The following EYA4 variants were observed in gnomAD, a reference collection of about 807,000 sequenced individuals.
EYA4 encodes the protein EYA transcriptional coactivator and phosphatase 4.
Under a neutral mutation model 87.9 loss-of-function variants are expected in EYA4, and 31 were observed. That is an observed-to-expected ratio of 0.35 (90% confidence interval 0.27 to 0.48). The LOEUF is 0.48. Among genes scored for constraint, EYA4 ranks in the 20% least tolerant of loss-of-function variants. The pLI is 0.99. For synonymous variants in EYA4, 263 were observed against 270.6 expected (o/e 0.97, Z 0.28); for missense variants, 678 against 761.4 (o/e 0.89, Z 1.29).
intron 1 of EYA4, among the ~76,000 whole-genome samples, chr6:133,266,118 G>A (rs1776203409): frequency 6.6e-6 from 1 of 152,154 alleles, no homozygotes; most frequent in African/African-American, 2.4e-5. Context: ...CTGTATTTGG[G>A]AATGTGACCT....
rs1049066192 is a variant in EYA4, at chr6:133,430,082, A to G, written c.84-16548A>G. Among the ~76,000 whole-genome samples, 6 of 152,240 alleles carry G rather than the reference A, an allele frequency of 3.9e-5. 1 individual carries two copies. Among genetic ancestry groups the G allele is most frequent in the Admixed American group, 3.3e-4 (5 of 15,292 alleles). The stretch of plus-strand genomic sequence containing the variant: ...CCCATCTTTATGTCCATGAGTACTC[A>G]ATGTTTAGCTCCCACTTGTAAGTGA... On this transcript the variant is annotated intron_variant, in intron 3 of 19. Coordinates refer to ENST00000355286, the MANE Select transcript of EYA4 (RefSeq NM_004100.5).
intron 3 of EYA4, among the ~76,000 whole-genome samples, chr6:133,420,134 CA>C (rs769899041): frequency 2.3e-4 from 34 of 149,588 alleles, no homozygotes; most frequent in African/African-American, 6.9e-4. Flanking sequence ...AGTACAACAC[CA>C]AAAAAAAATC....
intron 2 of EYA4, among the ~76,000 whole-genome samples, chr6:133,284,850 G>A (rs73557747): frequency 0.056 from 8,490 of 152,164 alleles, 800 homozygotes; most frequent in African/African-American, 0.19. Context: ...TATTCTTGTG[G>A]AGGGGGAGAC....
At chr6:133,269,141 C>T (rs1486522162) in intron 1 of EYA4, among the ~76,000 whole-genome samples, 2 of 152,138 alleles carry the variant, frequency 1.3e-5, no homozygotes, top group Non-Finnish European at 2.9e-5. Context: ...CTCCTGTAGT[C>T]CCAGCTACTT....
intron 2 of EYA4, among the ~76,000 whole-genome samples, chr6:133,367,365 C>A (rs944011386): frequency 2.6e-5 from 4 of 152,122 alleles, no homozygotes; most frequent in African/African-American, 9.7e-5. Context: ...AAAGGATGCA[C>A]CCCATGAAAC....
chr6:133,451,645 C>T (rs1051482521), intron 5 of EYA4, among the ~76,000 whole-genome samples: 2 of 152,066 alleles, frequency 1.3e-5, no homozygotes, highest in African/African-American at 4.8e-5. Context: ...ACCAGCCATC[C>T]AGGAACCAAA....
chr6:133,515,591 A>G (rs960369071), intron 17 of EYA4, among the ~76,000 whole-genome samples, 156 bp downstream of exon 17: 13 of 146,654 alleles, frequency 8.9e-5, no homozygotes, highest in Non-Finnish European at 1.8e-4. Context: ...GTGCATGTGC[A>G]TGAGAGAGAG....
chr6:133,313,063 T>C (rs1780355475), intron 2 of EYA4, among the ~76,000 whole-genome samples: 1 of 152,182 alleles, frequency 6.6e-6, no homozygotes, highest in African/African-American at 2.4e-5. Flanking sequence ...CAGGTTCTCT[T>C]ATTTAAAACC....
At position 133,431,536 on chromosome 6, in the gene EYA4, G is replaced by A. The variant is rs552477632; in HGVS notation, c.84-15094G>A. On this transcript the variant is annotated intron_variant, in intron 3 of 19. Coordinates refer to ENST00000355286, the MANE Select transcript of EYA4 (RefSeq NM_004100.5). Reference sequence around the variant, plus strand: ...CTATTCATATAGAAATCATTCAGTTGATGCTAGTTGACTAATCACTCCTCA... The same window carrying A: ...CTATTCATATAGAAATCATTCAGTTAATGCTAGTTGACTAATCACTCCTCA... Among the ~76,000 whole-genome samples the A allele has an allele frequency of 5.3e-5, 8 of 152,304 alleles. No homozygotes were observed. The South Asian group carries it at 1.7e-3, about 32-fold the overall frequency.
At chr6:133,490,755 C>T (rs1238917202) in intron 13 of EYA4, among the ~76,000 whole-genome samples, 1 of 152,092 alleles carries the variant, frequency 6.6e-6, no homozygotes, top group African/African-American at 2.4e-5. Context: ...ATACCATAGT[C>T]ACTGGAGACT....
chr6:133,284,195 G>A (rs866498089), intron 2 of EYA4, among the ~76,000 whole-genome samples: 2 of 152,062 alleles, frequency 1.3e-5, no homozygotes, highest in Non-Finnish European at 2.9e-5. Flanking sequence ...TTATTCCACC[G>A]TGATTACAGA....
chr6:133,358,205 A>G (rs571481576), intron 2 of EYA4, among the ~76,000 whole-genome samples: 47 of 152,322 alleles, frequency 3.1e-4, no homozygotes, highest in Non-Finnish European at 5.9e-4. Context: ...AGCCCTCTGG[A>G]CAGAGCTTTG....
rs192343170 is a variant in EYA4, at chr6:133,251,540, G to A, written c.-66+9791G>A. ...ACAGCTTGTCTGGAACTGCTACCAG[G>A]TGTATCTGTATAGTTTTAAAAATGA... On this transcript the variant is annotated intron_variant, in intron 1 of 19. Transcript: ENST00000355286. 1.0e-3 allele frequency among the ~76,000 whole-genome samples: 158 copies of A among 152,248 alleles called. 1 individual carries two copies. Among genetic ancestry groups the A allele is most frequent in the African/African-American group, 3.6e-3 (150 of 41,522 alleles).
chr6:133,331,163 G>C (rs1425828108), intron 2 of EYA4, among the ~76,000 whole-genome samples: 1 of 150,198 alleles, frequency 6.7e-6, no homozygotes, highest in East Asian at 2.0e-4. Flanking sequence ...CCTATAAAAT[G>C]AATGGGCTCT....
intron 11 of EYA4, among the ~76,000 whole-genome samples, chr6:133,481,262 A>G (rs1265123704): frequency 6.6e-6 from 1 of 152,184 alleles, no homozygotes; most frequent in African/African-American, 2.4e-5. Context: ...AGTTTAATAG[A>G]TCACATAGAT....
At chr6:133,299,055 G>A (rs1779162545) in intron 2 of EYA4, among the ~76,000 whole-genome samples, 1 of 152,128 alleles carries the variant, frequency 6.6e-6, no homozygotes, top group African/African-American at 2.4e-5. Context: ...GAATGAAGCA[G>A]GACTCTTCTT....
Position 133,529,527 on chromosome 6 carries a change from AAAAC to A in EYA4, c.*726_*729del. On this transcript the variant is annotated 3_prime_UTR_variant, in exon 20 of 20. Transcript: ENST00000355286. Reference sequence around the variant, plus strand: ...TTAAAATCTCTGTAGATAATGAAAAAAAACAAAAAAAAAAACCTTTGTGATGATT... The same window carrying A: ...TTAAAATCTCTGTAGATAATGAAAAAAAAAAAAAAAACCTTTGTGATGATT... 5 of 983,330 alleles carry A rather than the reference AAAAC, an allele frequency of 5.1e-6. No homozygotes were observed. The highest frequency in any genetic ancestry group is 1.8e-5 in the African/African-American group (1 of 57,074). 60.9% of individuals were successfully genotyped at this position (983,330 alleles called of 1,614,324 possible). A position where few individuals can be genotyped will look rare whatever the true frequency, so the allele number is the denominator to read the frequency against.
intron 2 of EYA4, among the ~76,000 whole-genome samples, chr6:133,320,790 G>A (rs1392220667): frequency 6.6e-6 from 1 of 152,074 alleles, no homozygotes; most frequent in Non-Finnish European, 1.5e-5. Flanking sequence ...TTTGATTTTC[G>A]GGGTTATTTC....
intron 2 of EYA4, among the ~76,000 whole-genome samples, chr6:133,334,720 A>G (rs6903792): frequency 0.39 from 58,777 of 152,004 alleles, 12,135 homozygotes; most frequent in East Asian, 0.64. Flanking sequence ...TTTATAAAAT[A>G]GACTATTGAA....
Sources: gnomAD v4.1 joint callset for allele counts (sites outside exome capture counted in the v4.1 genomes callset) on GRCh38, gnomAD v4.1.1 for gene constraint, MANE v1.5 for transcripts, NCBI Gene and HGNC (gene_info 2026-07-23, HGNC 2026-07-21) for gene names.